The following REXO1 variants were observed in gnomAD, a reference collection of about 807,000 sequenced individuals.
REXO1 encodes REX1, RNA exonuclease 1 homolog.
In REXO1, 42 loss-of-function variants were observed where a neutral mutation model predicts 102.6. That is an observed-to-expected ratio of 0.41 (90% CI 0.32 to 0.53). The LOEUF is 0.53. Ranked by LOEUF, REXO1 falls within the 20% of genes least tolerant of loss-of-function variation. The pLI is 0.27. For missense variants in REXO1, 1,819 were observed against 1,732.5 expected (o/e 1.05, Z -0.89); for synonymous variants, 908 against 779.1 (o/e 1.17, Z -2.76).
At chr19:1,845,527 G>A (rs1160400374) in intron 1 of REXO1, among the ~76,000 whole-genome samples, 1 of 152,194 alleles carries the variant, frequency 6.6e-6, no homozygotes, top group Non-Finnish European at 1.5e-5. Context: ...AGCGAGGTGT[G>A]ATGTCACATG....
chr19:1,846,698 T>C (rs1418842653), intron 1 of REXO1, among the ~76,000 whole-genome samples: 1 of 152,102 alleles, frequency 6.6e-6, no homozygotes, highest in African/African-American at 2.4e-5. Flanking sequence ...GAGACAAGCC[T>C]GGACAACATA....
At chr19:1,821,929 G>A in intron 4 of REXO1, 2 of 564,152 alleles carry the variant, frequency 3.5e-6, no homozygotes, top group South Asian at 2.3e-5. Context: ...CCGGTGGGGT[G>A]GTCCAGGCCT....
intron 1 of REXO1, among the ~76,000 whole-genome samples, chr19:1,844,237 G>A (rs1466779514): frequency 1.3e-5 from 2 of 152,256 alleles, no homozygotes; most frequent in Admixed American, 1.3e-4. Context: ...GCGTACACAG[G>A]TGAGCAGCCT....
In REXO1 at chr19:1,827,529, G is replaced by A. The variant is rs1219225402; in HGVS notation, c.1260C>T (p.Ala420=). 2.5e-6 allele frequency: 4 copies of A among 1,584,588 alleles called. No individual in the cohort carries two copies. In the African/African-American group the frequency reaches 4.1e-5, roughly 16 times the overall value. The change falls in exon 2 of 16, where the codon GCC becomes GCT. Residue 420 remains alanine, a synonymous_variant. Coordinates refer to ENST00000170168, the MANE Select transcript of REXO1 (RefSeq NM_020695.4). The part of the protein sequence containing the change: ...KPRADKKGPQ[A]SSPRRKAERP... ...GCTCTGCCTTGCGCCGGGGGCTGCT[G>A]GCCTGCGGGCCCTTCTTGTCCGCAC... is the stretch of plus-strand genomic sequence containing the variant.
In REXO1 at chr19:1,827,295, G is replaced by A; in HGVS notation, c.1494C>T (p.Arg498=). The change falls in exon 2 of 16, where the codon CGC becomes CGT. Residue 498 remains arginine (R), a synonymous_variant. Coordinates refer to ENST00000170168, the MANE Select transcript of REXO1 (RefSeq NM_020695.4). The stretch of plus-strand genomic sequence containing the variant: ...CCTGGGAGGCGCCCTCGTCTAGTGA[G>A]CGGGCTTTCCGCTCCACTAGCTTCC... The part of the protein sequence containing the change: ...PSGKLVERKA[R]SLDEGASQDA... The A allele has an allele frequency of 6.4e-7, 1 of 1,565,458 alleles. No individual in the cohort carries two copies. Among genetic ancestry groups the A allele is most frequent in the Non-Finnish European group, 8.6e-7 (1 of 1,161,498 alleles).
In REXO1 at chr19:1,815,769, G is replaced by A. The variant is rs2069341217; in HGVS notation, c.*297C>T. 1 of 1,447,152 alleles carries A rather than the reference G, an allele frequency of 6.9e-7. No individual in the cohort carries two copies. Among genetic ancestry groups the A allele is most frequent in the South Asian group, 1.4e-5 (1 of 72,660 alleles). The allele number at this position is 1,447,152 out of a possible 1,614,324, so 89.6% of individuals were successfully genotyped here. ...CCGGGAGGGAGGGCCTGGCAGGAGGGGCAGGAGGGGCTGCGGGCCGGGTGG... is the reference window on the plus strand; with the variant it reads ...CCGGGAGGGAGGGCCTGGCAGGAGGAGCAGGAGGGGCTGCGGGCCGGGTGG... On this transcript the variant is annotated 3_prime_UTR_variant, in exon 16 of 16. Transcript: ENST00000170168. This position sits in a 1 kb window ranked among gnomAD's most constrained non-coding sequence, Gnocchi z 4.0.
chr19:1,837,809 C>A (rs2070084215), intron 1 of REXO1, among the ~76,000 whole-genome samples: 1 of 152,230 alleles, frequency 6.6e-6, no homozygotes, highest in Non-Finnish European at 1.5e-5. Flanking sequence ...AGCCACACGG[C>A]AGGGTCCAGG....
At chr19:1,823,017 A>G (rs2069593010) in intron 4 of REXO1, 1 of 152,626 alleles carries the variant, frequency 6.6e-6, no homozygotes, top group South Asian at 2.1e-4. Flanking sequence ...CTCTACAGAC[A>G]CCACTGATGT....
intron 1 of REXO1, among the ~76,000 whole-genome samples, chr19:1,830,099 A>T (rs893361355): frequency 6.6e-6 from 1 of 152,242 alleles, no homozygotes; most frequent in Non-Finnish European, 1.5e-5. Context: ...TCCCGTGGGG[A>T]CAGGCCGAAG....
rs768489095 is a variant in REXO1 at position 1,827,285 on chromosome 19, C to G, written c.1504G>C (p.Glu502Gln). Residue 502 changes from glutamate (E) to glutamine (Q), a missense_variant, in exon 2 of 16, where the codon GAG (glutamate) becomes CAG (glutamine). Transcript: ENST00000170168. ...LVERKARSLD[E>Q]GASQDAPKLK... ...TTGGGGGCGTCCTGGGAGGCGCCCT[C>G]GTCTAGTGAGCGGGCTTTCCGCTCC... The G allele has an allele frequency of 6.4e-7, 1 of 1,564,052 alleles. No homozygotes were observed. Among genetic ancestry groups the G allele is most frequent in the Non-Finnish European group, 8.6e-7 (1 of 1,161,606 alleles).
Position 1,828,323 on chromosome 19 carries a change from G to C in REXO1, c.466C>G (p.His156Asp), listed in dbSNP as rs1216882456. The C allele has an allele frequency of 1.9e-6, 3 of 1,609,414 alleles. No homozygotes were observed. The African/African-American group carries it at 4.0e-5, about 21-fold the overall frequency. The change falls in exon 2 of 16, where the codon CAC becomes GAC. Residue 156 changes from histidine (H) to aspartate (D), a missense_variant. By Grantham distance (81) the His-to-Asp change is moderately conservative. Transcript: ENST00000170168. ...CCGGCATCAGGGCTTAATAGGCCGT[G>C]GCTGCCGGGGCTGTAGTCGAAGGCC... ...PLAFDYSPGS[H>D]GLLSPDAGYQ... is the part of the protein sequence containing the mutation.
chr19:1,825,319 A>C (rs1568691873), intron 3 of REXO1, among the ~76,000 whole-genome samples: 1 of 143,496 alleles, frequency 7.0e-6, no homozygotes. Flanking sequence ...AAAAAAAAAA[A>C]AAACAACCAA....
At position 1,848,292 on chromosome 19, in the gene REXO1, G is replaced by A. The variant is rs2011653689; in HGVS notation, c.67C>T (p.Pro23Ser). 1.5e-5 allele frequency: 19 copies of A among 1,232,200 alleles called. No individual in the cohort carries two copies. The highest frequency in any genetic ancestry group is 1.8e-5 in the Non-Finnish European group (18 of 981,952). The allele number at this position is 1,232,200 out of a possible 1,614,324, so 76.3% of individuals were successfully genotyped here. A position where few individuals can be genotyped will look rare whatever the true frequency, so the allele number is the denominator to read the frequency against. Reference protein sequence around the residue: ...CPYWSGAPGGPCRRPYCHFRH... With the variant: ...CPYWSGAPGGSCRRPYCHFRH... ...AAGTGGCAGTAGGGCCGCCGGCAGG[G>A]CCCCCCGGGCGCCCCAGACCAATAG... The change falls in exon 1 of 16, where the codon CCC becomes TCC. Residue 23 changes from proline (P) to serine (S), a missense_variant. Transcript: ENST00000170168.
At chr19:1,847,021 G>C (rs1392842692) in intron 1 of REXO1, among the ~76,000 whole-genome samples, 3 of 152,110 alleles carry the variant, frequency 2.0e-5, no homozygotes, top group South Asian at 2.1e-4. Context: ...AGGACATCAC[G>C]ACCTATGCTA....
intron 1 of REXO1, among the ~76,000 whole-genome samples, chr19:1,829,053 G>A (rs79942504): frequency 0.013 from 1,910 of 152,362 alleles, 38 homozygotes; most frequent in African/African-American, 0.043. Flanking sequence ...ACAGCCTGAC[G>A]GTGGACACAG....
chr19:1,821,163 T>A (rs373409036), intron 5 of REXO1, among the ~76,000 whole-genome samples: 16 of 151,720 alleles, frequency 1.1e-4, no homozygotes, highest in African/African-American at 3.6e-4. Flanking sequence ...CTGGCTAACA[T>A]GGTGAAACCC....
chr19:1,819,181 C>T, intron 7 of REXO1, 50 bp from the exon 8 acceptor site: 1 of 1,407,740 alleles, frequency 7.1e-7, no homozygotes, highest in South Asian at 1.4e-5. Context: ...CTGGCTCAGA[C>T]CCCTGCCCCG....
rs200429536 is a variant in REXO1, at chr19:1,828,592, G to A, written c.197C>T (p.Pro66Leu). ...YDPYNPELPK[P>L]PAQRENGTLG... ...GGTGCCATTCTCCCTCTGCGCGGGG[G>A]GCTTGGGCAGCTCAGGGTTGTAGGG... Residue 66 changes from proline to leucine, a missense_variant, in exon 2 of 16, where the codon CCC becomes CTC. Physicochemically the swap from Pro to Leu is moderately conservative, Grantham distance 98. Transcript: ENST00000170168. The A allele has an allele frequency of 1.2e-6, 2 of 1,603,054 alleles. No homozygotes were observed. Among genetic ancestry groups the A allele is most frequent in the Non-Finnish European group, 1.7e-6 (2 of 1,179,778 alleles).
At position 1,818,764 on chromosome 19, in the gene REXO1, G is replaced by T; in HGVS notation, c.2844C>A (p.His948Gln). The stretch of plus-strand genomic sequence containing the variant: ...TGATTGCGCCCCCGGGCCGCTCTGG[G>T]TGCGGGAAGGGGTAGCCGTTCTCCT... ...QLKENGYPFP[H>Q]PERPGGAIIF... Residue 948 changes from histidine (H) to glutamine (Q), a missense_variant, in exon 9 of 16, where the codon CAC becomes CAA. His to Gln is a conservative substitution (Grantham distance 24). Transcript: ENST00000170168. 1.9e-6 allele frequency: 3 copies of T among 1,610,516 alleles called. No individual in the cohort carries two copies. Among genetic ancestry groups the T allele is most frequent in the Non-Finnish European group, 2.5e-6 (3 of 1,179,896 alleles).
Sources: gnomAD v4.1 joint callset for allele counts (sites outside exome capture counted in the v4.1 genomes callset) on GRCh38, gnomAD v4.1.1 for gene constraint, Gnocchi (gnomAD v3.1) non-coding constraint, MANE v1.5 for transcripts, NCBI Gene and HGNC (gene_info 2026-07-23, HGNC 2026-07-21) for gene names.